ZFR2: variants seen among roughly 807,000 people sequenced by gnomAD.
ZFR2 encodes the protein zinc finger RNA-binding protein 2.
ZFR2 carries 104 observed loss-of-function variants against 105.7 expected under a neutral mutation model. The observed-to-expected ratio is 0.98, with a 90% CI of 0.84 to 1.16. The LOEUF (loss-of-function observed/expected upper bound fraction) is 1.16. Among genes scored for constraint, ZFR2 ranks in the 50% most tolerant of loss-of-function variants. The pLI, the probability that ZFR2 is intolerant of heterozygous loss-of-function variation, is 0.00. For synonymous variants in ZFR2, 634 were observed against 597.7 expected (o/e 1.06, Z -0.89); for missense variants, 1,425 against 1,355.5 (o/e 1.05, Z -0.80).
At chr19:3,849,702 G>A (rs967342016) in intron 1 of ZFR2, among the ~76,000 whole-genome samples, 2 of 152,320 alleles carry the variant, frequency 1.3e-5, no homozygotes, top group Non-Finnish European at 1.5e-5. Flanking sequence ...TTGTAGGCTG[G>A]CCTCTGACTT....
chr19:3,817,594 AATAATAATAATAATT>A (rs111646129), intron 12 of ZFR2, among the ~76,000 whole-genome samples: 3 of 141,566 alleles, frequency 2.1e-5, no homozygotes, highest in African/African-American at 5.2e-5. Flanking sequence ...TAATAATAAT[AATAATAATAATAATT>A]AGCTGGGTGT....
chr19:3,835,079 G>T, intron 1 of ZFR2, 96 bp from the exon 2 acceptor site: 1 of 1,405,916 alleles, frequency 7.1e-7, no homozygotes, highest in South Asian at 1.2e-5. Flanking sequence ...CACTGGACCT[G>T]AGCTGCCCTG....
chr19:3,829,134 G>T (rs1356193118), intron 5 of ZFR2, among the ~76,000 whole-genome samples: 1 of 151,908 alleles, frequency 6.6e-6, no homozygotes, highest in Non-Finnish European at 1.5e-5. Flanking sequence ...GCTAATTTTT[G>T]TATTTTTAGT....
At chr19:3,843,317 A>C (rs2038152907) in intron 1 of ZFR2, among the ~76,000 whole-genome samples, 1 of 151,864 alleles carries the variant, frequency 6.6e-6, no homozygotes, top group Non-Finnish European at 1.5e-5. Flanking sequence ...CTAAAAATAC[A>C]AAAAATAACT....
At chr19:3,822,309 T>G (rs2037905401) in intron 8 of ZFR2, 109 bp from the exon 9 acceptor site, 1 of 1,483,762 alleles carries the variant, frequency 6.7e-7, no homozygotes, top group Non-Finnish European at 9.1e-7. Context: ...CTCATTTTAT[T>G]TATGTATGTC....
intron 5 of ZFR2, 130 bp from the exon 6 acceptor site, chr19:3,827,783 T>G: frequency 1.0e-6 from 1 of 971,278 alleles, no homozygotes; most frequent in Non-Finnish European, 1.5e-6. Flanking sequence ...CAACCCTCCA[T>G]TCCCTGGTGC....
rs7245469 is a variant in ZFR2, at chr19:3,829,573, C to T, written c.852+1730G>A. Among the ~76,000 whole-genome samples, 1,388 of 151,678 alleles carry T rather than the reference C, an allele frequency of 9.2e-3. 24 individuals carry two copies. The highest frequency in any genetic ancestry group is 0.032 in the African/African-American group (1,320 of 41,346). ...TGTCGCCCAGGCTGGGGTGCAGTAGCGTGATCATAGCTCACTGCAGCCTTG... is the reference window on the plus strand; with the variant it reads ...TGTCGCCCAGGCTGGGGTGCAGTAGTGTGATCATAGCTCACTGCAGCCTTG... On this transcript the variant is annotated intron_variant, in intron 5 of 18. Coordinates refer to ENST00000262961, the MANE Select transcript of ZFR2 (RefSeq NM_015174.2).
Position 3,819,231 on chromosome 19 carries a change from C to CCGGG in ZFR2, c.1741_1744dup (p.Gly582AlafsTer61). 2.6e-6 allele frequency: 4 copies of CCGGG among 1,540,988 alleles called. No homozygotes were observed. Among genetic ancestry groups the CCGGG allele is most frequent in the Non-Finnish European group, 3.5e-6 (4 of 1,152,312 alleles). ...GTCGTCGCTGGACGCCGGCCGCCGC[C>CCGGG]CGGGCTGTGGGGAGAGGCCGCACGT... On this transcript the variant is annotated frameshift_variant, in exon 12 of 19. Coordinates refer to ENST00000262961, the MANE Select transcript of ZFR2 (RefSeq NM_015174.2). LOFTEE classifies it high-confidence loss of function.
intron 13 of ZFR2, among the ~76,000 whole-genome samples, chr19:3,814,349 A>G (rs2037803214): frequency 6.6e-6 from 1 of 152,234 alleles, no homozygotes; most frequent in South Asian, 2.1e-4. Flanking sequence ...ATAGTCAGGG[A>G]GGAGTAAACT....
chr19:3,847,527 A>G (rs552079358), intron 1 of ZFR2, among the ~76,000 whole-genome samples: 23 of 152,194 alleles, frequency 1.5e-4, no homozygotes, highest in African/African-American at 5.5e-4. Context: ...CCTTCTCAAA[A>G]GAAAAAAAAA....
At chr19:3,829,808 C>A (rs1001990119) in intron 5 of ZFR2, among the ~76,000 whole-genome samples, 1 of 152,196 alleles carries the variant, frequency 6.6e-6, no homozygotes, top group Non-Finnish European at 1.5e-5. Flanking sequence ...GGCACTGCAC[C>A]CAGCCAGTAG....
chr19:3,840,245 CTT>C (rs35809815), intron 1 of ZFR2, among the ~76,000 whole-genome samples: 3 of 145,014 alleles, frequency 2.1e-5, no homozygotes, highest in African/African-American at 2.5e-5. Flanking sequence ...GCTTGTTTTA[CTT>C]TTTTTTTTTT....
intron 13 of ZFR2, 131 bp from the exon 14 acceptor site, chr19:3,814,089 C>CAG: frequency 1.5e-6 from 2 of 1,345,188 alleles, no homozygotes; most frequent in Non-Finnish European, 2.0e-6. Flanking sequence ...GGGTGCCGGG[C>CAG]CCTGTGCCCT....
intron 1 of ZFR2, among the ~76,000 whole-genome samples, chr19:3,845,628 CAAAAA>C (rs34786955): frequency 4.7e-5 from 6 of 126,946 alleles, no homozygotes; most frequent in Admixed American, 3.2e-4. Flanking sequence ...CCCATCTTTA[CAAAAA>C]AAAAAAAAAA....
chr19:3,831,022 T>C (rs1356768936), intron 5 of ZFR2, among the ~76,000 whole-genome samples: 4 of 149,454 alleles, frequency 2.7e-5, no homozygotes, highest in Non-Finnish European at 4.4e-5. Context: ...CAGGCACACA[T>C]GCGCACACAT....
intron 5 of ZFR2, among the ~76,000 whole-genome samples, chr19:3,827,982 G>A (rs924216943): frequency 6.8e-6 from 1 of 147,774 alleles, no homozygotes; most frequent in South Asian, 2.1e-4. Flanking sequence ...CACCACACCC[G>A]GCTAATTTTT....
intron 13 of ZFR2, among the ~76,000 whole-genome samples, chr19:3,815,995 T>G (rs2037821441): frequency 6.6e-6 from 1 of 151,958 alleles, no homozygotes; most frequent in Admixed American, 6.6e-5. Flanking sequence ...GACCTCGTGA[T>G]CTGCCCATCT....
chr19:3,827,483 G>T lies in ZFR2; in HGVS notation c.1023C>A (p.Ser341=). 2 of 1,549,252 alleles carry T rather than the reference G, an allele frequency of 1.3e-6. No homozygotes were observed. Among genetic ancestry groups the T allele is most frequent in the African/African-American group, 1.4e-5 (1 of 73,062 alleles). The stretch of plus-strand genomic sequence containing the variant: ...GGCGGGGCCGTACCTTCTGGTGCTT[G>T]GATCCCCGGATGTGGGCCGCGTAGG... The part of the protein sequence containing the change: ...ADAYAAHIRG[S]KHQKVFKLHA... Residue 341 remains serine, a synonymous_variant, in exon 6 of 19, where the codon TCC becomes TCA. Transcript: ENST00000262961.
At chr19:3,856,911 G>T (rs2038308954) in intron 1 of ZFR2, 1 of 151,366 alleles carries the variant, frequency 6.6e-6, no homozygotes, top group African/African-American at 2.4e-5. Flanking sequence ...TGTATTTTTA[G>T]TGGAGATGGG....
Sources: allele counts gnomAD v4.1 joint callset (sites outside exome capture counted in the v4.1 genomes callset), GRCh38; gene constraint gnomAD v4.1.1; transcripts MANE v1.5; gene names NCBI Gene and HGNC (gene_info 2026-07-23, HGNC 2026-07-21).